Variants in COL4A5 observed in about 807,000 individuals in gnomAD.
COL4A5 encodes collagen alpha-5(IV) chain.
Under a neutral mutation model 130.2 loss-of-function variants are expected in COL4A5, and 26 were observed. The ratio of observed to expected loss-of-function variants is 0.20; its 90% CI spans 0.15 to 0.28. COL4A5 has a LOEUF of 0.28. COL4A5 is among the 10% of genes least tolerant of loss of function. The probability of loss-of-function intolerance (pLI) is 1.00; values close to 1 mark genes in which losing one functional copy is unlikely to be tolerated. For synonymous variants in COL4A5, 496 were observed against 439.6 expected, an observed-to-expected ratio of 1.13 and a Z score of -1.60; for missense variants, 1,131 against 1,344.3, an observed-to-expected ratio of 0.84 and a Z score of 2.48.
intron 1 of COL4A5, among the ~76,000 whole-genome samples, chrX:108,529,429 G>A (rs970834025): frequency 4.5e-5 from 5 of 110,427 alleles, no homozygotes; most frequent in African/African-American, 1.3e-4. Flanking sequence ...GGACTGAAGC[G>A]GTAACACTAT....
chrX:108,625,973 A>C (rs1056511306), intron 35 of COL4A5, among the ~76,000 whole-genome samples, 179 bp downstream of exon 35: 2 of 112,083 alleles, frequency 1.8e-5, no homozygotes, highest in Non-Finnish European at 3.8e-5. Context: ...AAGGGACAAA[A>C]TTGTAGAAAC....
intron 42 of COL4A5, among the ~76,000 whole-genome samples, chrX:108,671,707 C>T (rs2068211010): frequency 9.0e-6 from 1 of 111,446 alleles, no homozygotes; most frequent in African/African-American, 3.3e-5. Context: ...TTAAACTGGC[C>T]CAACAGGATT....
intron 1 of COL4A5, among the ~76,000 whole-genome samples, chrX:108,473,633 A>ATATATATTTTTTTTTTTTTTT: frequency 2.9e-5 from 1 of 34,567 alleles, no homozygotes; most frequent in African/African-American, 1.1e-4. Flanking sequence ...ATATATATAT[A>ATATATATTTTTTTTTTTTTTT]TTTTTTTTTT....
intron 13 of COL4A5, 29 bp from the exon 14 acceptor site, chrX:108,580,504 T>G: frequency 8.6e-7 from 1 of 1,162,141 alleles, no homozygotes; most frequent in Non-Finnish European, 1.2e-6. Flanking sequence ...AGTATTAACA[T>G]TGATTTCCTT....
At chrX:108,463,390 G>C (rs2064673006) in intron 1 of COL4A5, among the ~76,000 whole-genome samples, 1 of 111,386 alleles carries the variant, frequency 9.0e-6, no homozygotes, top group Admixed American at 9.6e-5. Flanking sequence ...ACCTATTACT[G>C]CCCCAATCCC....
intron 44 of COL4A5, 87 bp downstream of exon 44, chrX:108,677,720 A>G (rs1214277282): frequency 9.4e-7 from 1 of 1,066,910 alleles, no homozygotes; most frequent in Non-Finnish European, 1.3e-6. Context: ...CATTTTAATT[A>G]ACACTCACTA....
chrX:108,499,060 T>C (rs988895792), intron 1 of COL4A5, among the ~76,000 whole-genome samples: 3 of 111,460 alleles, frequency 2.7e-5, no homozygotes, highest in African/African-American at 9.8e-5. Context: ...TAAGATATTT[T>C]TGTCTGTTTC....
At chrX:108,535,548 G>A (rs2065444445) in intron 1 of COL4A5, among the ~76,000 whole-genome samples, 1 of 111,005 alleles carries the variant, frequency 9.0e-6, no homozygotes, top group Non-Finnish European at 1.9e-5. Context: ...TGCAAATCTG[G>A]CCAGTTTGTG....
chrX:108,656,771 C>G (rs1217322646), intron 37 of COL4A5, among the ~76,000 whole-genome samples: 1 of 111,670 alleles, frequency 9.0e-6, no homozygotes, highest in Admixed American at 9.5e-5. Context: ...TATTAATCAT[C>G]TTTTTATTAT....
chrX:108,474,129 G>A (rs1281694098), intron 1 of COL4A5, among the ~76,000 whole-genome samples: 1 of 111,325 alleles, frequency 9.0e-6, no homozygotes, highest in Non-Finnish European at 1.9e-5. Context: ...AGAGTCTATA[G>A]TAATATGCAG....
At chrX:108,587,198 C>A (rs1194993767) in intron 19 of COL4A5, among the ~76,000 whole-genome samples, 1 of 110,948 alleles carries the variant, frequency 9.0e-6, no homozygotes, top group African/African-American at 3.3e-5. Context: ...ACTGTGCTAC[C>A]AAACACTGAA....
At chrX:108,532,215 A>G (rs2065394493) in intron 1 of COL4A5, among the ~76,000 whole-genome samples, 1 of 111,904 alleles carries the variant, frequency 8.9e-6, no homozygotes, top group Non-Finnish European at 1.9e-5. Context: ...CCAATTCAAC[A>G]GTACGTCAAA....
intron 27 of COL4A5, among the ~76,000 whole-genome samples, chrX:108,602,408 G>T (rs1197209809): frequency 8.9e-6 from 1 of 112,208 alleles, no homozygotes; most frequent in African/African-American, 3.2e-5. Flanking sequence ...TTGATTTATT[G>T]AAATTTTTAG....
At chrX:108,644,323 G>C (rs1358237062) in intron 36 of COL4A5, among the ~76,000 whole-genome samples, 1 of 111,667 alleles carries the variant, frequency 9.0e-6, no homozygotes, top group Non-Finnish European at 1.9e-5. Flanking sequence ...GCACTAGACA[G>C]GTCATCAAAA....
At chrX:108,532,839 G>A (rs1274947955) in intron 1 of COL4A5, among the ~76,000 whole-genome samples, 1 of 111,656 alleles carries the variant, frequency 9.0e-6, no homozygotes, top group Non-Finnish European at 1.9e-5. Context: ...AACCAAGGAG[G>A]ATTGATTCTA....
At chrX:108,689,502 A>G (rs2068610896) in intron 49 of COL4A5, 1 of 753,709 alleles carries the variant, frequency 1.3e-6, no homozygotes, top group Non-Finnish European at 1.6e-6. Context: ...CAGATTTGGA[A>G]TCTATAAACT....
intron 1 of COL4A5, among the ~76,000 whole-genome samples, chrX:108,481,448 G>A (rs1237897567): frequency 2.7e-5 from 3 of 111,580 alleles, no homozygotes; most frequent in Admixed American, 1.9e-4. Flanking sequence ...GAGGGGTTGC[G>A]ATTCTCTGTT....
intron 29 of COL4A5, among the ~76,000 whole-genome samples, chrX:108,610,634 C>T (rs766985169): frequency 1.8e-5 from 2 of 111,509 alleles, no homozygotes; most frequent in East Asian, 5.6e-4. Flanking sequence ...TGTATATATT[C>T]TTGAGACACA....
intron 37 of COL4A5, 95 bp from the exon 38 acceptor site, chrX:108,665,412 G>C: frequency 3.3e-6 from 2 of 598,252 alleles, no homozygotes; most frequent in Non-Finnish European, 5.5e-6. Flanking sequence ...GTTCTTCACT[G>C]TTTCTATGCT....
Sources: allele counts gnomAD v4.1 joint callset (sites outside exome capture counted in the v4.1 genomes callset), GRCh38; gene constraint gnomAD v4.1.1; transcripts MANE v1.5; gene names NCBI Gene and HGNC (gene_info 2026-07-23, HGNC 2026-07-21).